Variants in RIMKLB observed in about 807,000 individuals in gnomAD.
RIMKLB encodes ribosomal modification protein rimK like family member B.
A neutral mutation model predicts 32.0 loss-of-function variants in RIMKLB; 7 were observed. That is an observed-to-expected ratio of 0.22 (90% confidence interval 0.12 to 0.41). RIMKLB has a LOEUF of 0.41. Ranked by LOEUF, RIMKLB falls within the 10% of genes least tolerant of loss-of-function variation. The pLI, the probability that RIMKLB is intolerant of heterozygous loss-of-function variation, is 1.00. For synonymous variants in RIMKLB, 172 were observed against 185.1 expected (o/e 0.93, Z 0.57); for missense variants, 289 against 498.7 (o/e 0.58, Z 4.00).
intron 5 of RIMKLB, among the ~76,000 whole-genome samples, chr12:8,757,270 C>T (rs1385043655): frequency 6.6e-6 from 1 of 151,546 alleles, no homozygotes; most frequent in African/African-American, 2.4e-5. Flanking sequence ...TCCTGTAGTC[C>T]CCCACCCAAC....
chr12:8,707,076 C>G (rs150870613), intron 1 of RIMKLB, among the ~76,000 whole-genome samples: 1 of 152,132 alleles, frequency 6.6e-6, no homozygotes, highest in African/African-American at 2.4e-5. Flanking sequence ...TGTGCTTTTT[C>G]CTGTTCTTTC....
chr12:8,762,371 C>T (rs144503955), intron 5 of RIMKLB, among the ~76,000 whole-genome samples: 6 of 152,116 alleles, frequency 3.9e-5, no homozygotes, highest in African/African-American at 7.2e-5. Flanking sequence ...CTTGGTTTCC[C>T]GGAGGGGATT....
upstream of RIMKLB, among the ~76,000 whole-genome samples, chr12:8,678,547 C>G (rs1004667997): frequency 6.6e-6 from 1 of 151,956 alleles, no homozygotes; most frequent in African/African-American, 2.4e-5. Flanking sequence ...AGGCTGGTCT[C>G]GAACTCCCGA....
intron 2 of RIMKLB, among the ~76,000 whole-genome samples, chr12:8,715,961 T>G (rs544129540): frequency 6.6e-6 from 1 of 152,328 alleles, no homozygotes; most frequent in East Asian, 1.9e-4. Flanking sequence ...TAAGTGTGTA[T>G]GTACAGTTAT....
intron 1 of RIMKLB, among the ~76,000 whole-genome samples, chr12:8,706,703 C>T (rs1298183691): frequency 6.6e-6 from 1 of 152,206 alleles, no homozygotes; most frequent in Middle Eastern, 3.4e-3. Flanking sequence ...TCCCGCCCAC[C>T]TCAGCCCTCC....
At chr12:8,762,685 T>G (rs1019343364) in intron 5 of RIMKLB, among the ~76,000 whole-genome samples, 11 of 152,210 alleles carry the variant, frequency 7.2e-5, no homozygotes, top group Non-Finnish European at 1.0e-4. Flanking sequence ...TTACCCTTTT[T>G]CCTTCTAATT....
intron 2 of RIMKLB, among the ~76,000 whole-genome samples, chr12:8,735,796 TC>T (rs1055523592): frequency 3.3e-5 from 5 of 152,038 alleles, no homozygotes; most frequent in African/African-American, 1.2e-4. Context: ...AATGGCGGGA[TC>T]CCGGCTCACT....
At chr12:8,725,236 A>G (rs199757249) in intron 2 of RIMKLB, among the ~76,000 whole-genome samples, 1 of 152,032 alleles carries the variant, frequency 6.6e-6, no homozygotes, top group East Asian at 1.9e-4. Flanking sequence ...TGCTAGTTAC[A>G]ATTTTCTCTC....
intron 5 of RIMKLB, among the ~76,000 whole-genome samples, chr12:8,766,950 CTTT>C (rs1188979272): frequency 6.6e-6 from 1 of 152,226 alleles, no homozygotes; most frequent in Non-Finnish European, 1.5e-5. Flanking sequence ...TATTTTTCTA[CTTT>C]TAGCAATGCA....
the RIMKLB span, among the ~76,000 whole-genome samples, chr12:8,676,359 C>G: frequency 2.1e-5 from 3 of 144,592 alleles, no homozygotes; most frequent in East Asian, 6.0e-4. Context: ...TAGGAGTGAG[C>G]CACTGTGCTC....
chr12:8,697,906 CG>C, upstream of RIMKLB: 1 of 147,982 alleles, frequency 6.8e-6, no homozygotes, highest in South Asian at 2.1e-4. Flanking sequence ...CCTCAGCAAG[CG>C]GGCGGGCGGC....
intron 5 of RIMKLB, among the ~76,000 whole-genome samples, chr12:8,759,713 AT>A (rs1218422164): frequency 6.6e-6 from 1 of 152,150 alleles, no homozygotes; most frequent in East Asian, 1.9e-4. Flanking sequence ...CCACCATACA[AT>A]TTCCAGATTC....
In RIMKLB at chr12:8,773,922, G is replaced by T; in HGVS notation, c.*138G>T. 7.0e-7 allele frequency: 1 copy of T among 1,435,764 alleles called. No individual in the cohort carries two copies. The allele number at this position is 1,435,764 out of a possible 1,614,324, so 88.9% of individuals were successfully genotyped here. On this transcript the variant is annotated 3_prime_UTR_variant, in exon 6 of 6. Coordinates refer to ENST00000535829, the MANE Select transcript of RIMKLB (RefSeq NM_001297776.2). ...ATTAGTAGGATTAGTTGGAGAGAGT[G>T]GGAGATAGATGAGACCTCTGCTAGT...
At chr12:8,762,111 C>A (rs1949574396) in intron 5 of RIMKLB, among the ~76,000 whole-genome samples, 1 of 152,050 alleles carries the variant, frequency 6.6e-6, no homozygotes, top group African/African-American at 2.4e-5. Context: ...AGAAAAACTA[C>A]AATGGGGCGT....
intron 1 of RIMKLB, among the ~76,000 whole-genome samples, chr12:8,707,243 C>G (rs957069062): frequency 6.6e-6 from 1 of 152,184 alleles, no homozygotes; most frequent in Non-Finnish European, 1.5e-5. Flanking sequence ...CCATGCCCCC[C>G]ACCAGTACAG....
At chr12:8,748,268 CATGGT>C (rs1948283108) in intron 2 of RIMKLB, among the ~76,000 whole-genome samples, 1 of 152,102 alleles carries the variant, frequency 6.6e-6, no homozygotes, top group South Asian at 2.1e-4. Flanking sequence ...TTCAGTTACC[CATGGT>C]ACAGTACAAT....
At chr12:8,755,330 G>T (rs1420496455) in intron 5 of RIMKLB, among the ~76,000 whole-genome samples, 1 of 151,726 alleles carries the variant, frequency 6.6e-6, no homozygotes, top group African/African-American at 2.4e-5. Context: ...CAAACTCCTG[G>T]GCTCAAGTAA....
chr12:8,780,291 G>A (rs1346148013), downstream of RIMKLB: 1 of 152,192 alleles, frequency 6.6e-6, no homozygotes, highest in Non-Finnish European at 1.5e-5. Flanking sequence ...GAAGGAAACA[G>A]ACAAGAAAAT....
chr12:8,779,503 G>C (rs150069704), downstream of RIMKLB: 7 of 152,398 alleles, frequency 4.6e-5, no homozygotes, highest in East Asian at 1.4e-3. Flanking sequence ...TCAAAGGGTG[G>C]GGTTTGAGAT....
Sources: allele counts gnomAD v4.1 joint callset (sites outside exome capture counted in the v4.1 genomes callset), GRCh38; gene constraint gnomAD v4.1.1; transcripts MANE v1.5; gene names NCBI Gene and HGNC (gene_info 2026-07-23, HGNC 2026-07-21).